ME3: variants seen among roughly 807,000 people sequenced by gnomAD.
ME3 encodes NADP-dependent malic enzyme, mitochondrial.
A neutral mutation model predicts 68.9 loss-of-function variants in ME3; 48 were observed. The ratio of observed to expected loss-of-function variants is 0.70; its 90% confidence interval spans 0.55 to 0.89. ME3 has a LOEUF of 0.89. Among genes scored for constraint, ME3 ranks in the 40% least tolerant of loss-of-function variants. ME3 has a pLI of 0.00. For missense variants in ME3, 675 were observed against 797.4 expected, an observed-to-expected ratio of 0.85 and a Z score of 1.85; for synonymous variants, 320 against 318.8, an observed-to-expected ratio of 1.00 and a Z score of -0.04.
chr11:86,561,296 G>T (rs1479514986), intron 2 of ME3, among the ~76,000 whole-genome samples: 1 of 152,016 alleles, frequency 6.6e-6, no homozygotes, highest in African/African-American at 2.4e-5. Context: ...GCCAGCCGTG[G>T]TCCTAGACTA....
chr11:86,551,831 AG>A (rs781194049), intron 4 of ME3, among the ~76,000 whole-genome samples: 1 of 152,224 alleles, frequency 6.6e-6, no homozygotes, highest in Non-Finnish European at 1.5e-5. Flanking sequence ...ATACATCTTC[AG>A]GTACTTTCCA....
At chr11:86,446,464 T>C in exon 13 of ME3, 1 of 1,614,188 alleles carries the variant, frequency 6.2e-7, no homozygotes, top group Non-Finnish European at 8.5e-7. Flanking sequence ...TAAAAGGACT[T>C]CCACTGGCAA....
chr11:86,493,801 A>G (rs1423266591), intron 6 of ME3, among the ~76,000 whole-genome samples: 1 of 152,116 alleles, frequency 6.6e-6, no homozygotes, highest in African/African-American at 2.4e-5. Flanking sequence ...TCAACAGGAA[A>G]CCTGGAGGGG....
At chr11:86,477,982 T>G (rs936486508) in intron 7 of ME3, among the ~76,000 whole-genome samples, 10 of 152,146 alleles carry the variant, frequency 6.6e-5, no homozygotes, top group African/African-American at 2.4e-5. Context: ...GAAACTGTTC[T>G]GCTCCTTCAG....
chr11:86,543,555 A>G (rs620054), intron 4 of ME3, among the ~76,000 whole-genome samples: 122,118 of 152,140 alleles, frequency 0.8, 49,266 homozygotes, highest in South Asian at 0.84. Flanking sequence ...AAAAGACCAA[A>G]AAGGGCATTA....
intron 2 of ME3, among the ~76,000 whole-genome samples, chr11:86,601,529 G>T (rs1439999214): frequency 6.6e-6 from 1 of 152,094 alleles, no homozygotes; most frequent in African/African-American, 2.4e-5. Context: ...GAGGTACAAG[G>T]AGGAACTGGT....
intron 4 of ME3, among the ~76,000 whole-genome samples, chr11:86,547,274 A>T (rs1241676301): frequency 6.6e-6 from 1 of 151,650 alleles, no homozygotes; most frequent in South Asian, 2.1e-4. Context: ...AATGTGGCAC[A>T]TATGCACCAT....
chr11:86,659,734 A>G (rs961781832), intron 2 of ME3, among the ~76,000 whole-genome samples: 1 of 152,182 alleles, frequency 6.6e-6, no homozygotes, highest in Non-Finnish European at 1.5e-5. Flanking sequence ...TTTAACTTTT[A>G]TCCTAAATTC....
chr11:86,626,779 G>T (rs916450971), intron 2 of ME3, among the ~76,000 whole-genome samples: 1 of 152,126 alleles, frequency 6.6e-6, no homozygotes, highest in Non-Finnish European at 1.5e-5. Flanking sequence ...ACTGAATTTG[G>T]CACATGGGCC....
intron 5 of ME3, among the ~76,000 whole-genome samples, chr11:86,504,130 T>C (rs953852644): frequency 6.6e-6 from 1 of 152,190 alleles, no homozygotes; most frequent in Non-Finnish European, 1.5e-5. Context: ...TGGGAAACCA[T>C]AGAAAGTCAT....
intron 4 of ME3, among the ~76,000 whole-genome samples, chr11:86,523,567 T>G (rs1298633898): frequency 3.3e-5 from 5 of 152,228 alleles, no homozygotes; most frequent in African/African-American, 1.2e-4. Flanking sequence ...TCTTTTTTGA[T>G]TATGAGATTT....
intron 4 of ME3, among the ~76,000 whole-genome samples, chr11:86,544,330 C>T (rs1163219172): frequency 6.6e-6 from 1 of 151,770 alleles, no homozygotes; most frequent in Non-Finnish European, 1.5e-5. Context: ...GAGATAGAGA[C>T]ACAAAAAAAA....
chr11:86,529,279 C>T (rs1955017642), intron 4 of ME3, among the ~76,000 whole-genome samples: 1 of 152,168 alleles, frequency 6.6e-6, no homozygotes, highest in African/African-American at 2.4e-5. Flanking sequence ...AATTCCTCGA[C>T]ACATACACCC....
chr11:86,526,890 G>C (rs953140288), intron 4 of ME3, among the ~76,000 whole-genome samples: 3 of 152,132 alleles, frequency 2.0e-5, no homozygotes, highest in African/African-American at 7.2e-5. Context: ...CAGACCAAAG[G>C]TAGATAAAAC....
intron 2 of ME3, among the ~76,000 whole-genome samples, chr11:86,572,008 A>C (rs1957825869): frequency 6.6e-6 from 1 of 152,242 alleles, no homozygotes; most frequent in African/African-American, 2.4e-5. Context: ...GTGATTTAAA[A>C]AGTCAAGGAT....
chr11:86,484,317 A>ACC (rs1951573481), intron 7 of ME3, among the ~76,000 whole-genome samples: 1 of 142,538 alleles, frequency 7.0e-6, no homozygotes, highest in Non-Finnish European at 1.6e-5. Context: ...CTCCTGACTC[A>ACC]CCCCCAGGCT....
At chr11:86,599,290 A>G (rs1024713724) in intron 2 of ME3, among the ~76,000 whole-genome samples, 4 of 152,252 alleles carry the variant, frequency 2.6e-5, no homozygotes, top group Non-Finnish European at 4.4e-5. Flanking sequence ...AGGCTCGAGA[A>G]CTACGTGAAG....
chr11:86,455,327 A>C lies in ME3; in HGVS notation c.920-4929T>G, dbSNP rs534911401. On this transcript the variant is annotated intron_variant, in intron 8 of 14. Transcript: ENST00000543262. The stretch of plus-strand genomic sequence containing the variant: ...AGAACACAGTGGGTAGTCAGAGATC[A>C]CTGGAAATTGTTACATTCATTTATT... Among the ~76,000 whole-genome samples the C allele has an allele frequency of 7.2e-5, 11 of 152,370 alleles. No individual in the cohort carries two copies. The South Asian group carries it at 1.9e-3, about 26-fold the overall frequency.
chr11:86,449,160 T>C (rs1949489289), intron 10 of ME3, among the ~76,000 whole-genome samples: 1 of 152,226 alleles, frequency 6.6e-6, no homozygotes, highest in African/African-American at 2.4e-5. Context: ...TGTTCCCATC[T>C]CTGCCATAAT....
Sources: gnomAD v4.1 joint callset for allele counts (sites outside exome capture counted in the v4.1 genomes callset) on GRCh38, gnomAD v4.1.1 for gene constraint, MANE v1.5 for transcripts, NCBI Gene and HGNC (gene_info 2026-07-23, HGNC 2026-07-21) for gene names.